ADAMTS17: variants seen among roughly 807,000 people sequenced by gnomAD.
ADAMTS17 encodes A disintegrin and metalloproteinase with thrombospondin motifs 17.
In ADAMTS17, 113 loss-of-function variants were observed where a neutral mutation model predicts 141.5. That is an observed-to-expected ratio of 0.80 (90% CI 0.69 to 0.93). ADAMTS17 has a LOEUF of 0.93. Among genes scored for constraint, ADAMTS17 ranks in the 40% least tolerant of loss-of-function variants. The pLI is 0.00. For synonymous variants in ADAMTS17, 768 were observed against 630.6 expected (o/e 1.22, Z -3.27); for missense variants, 1,659 against 1,517.9 (o/e 1.09, Z -1.54).
chr15:100,092,516 G>A (rs1310759336), intron 15 of ADAMTS17, among the ~76,000 whole-genome samples: 2 of 152,150 alleles, frequency 1.3e-5, no homozygotes, highest in Non-Finnish European at 2.9e-5. Flanking sequence ...AAAGAAATAC[G>A]TTGTAATTGG....
chr15:100,133,689 G>T (rs1031030444), intron 10 of ADAMTS17, among the ~76,000 whole-genome samples: 2 of 152,150 alleles, frequency 1.3e-5, no homozygotes, highest in African/African-American at 4.8e-5. Context: ...CTGTCTAGGG[G>T]ACACAGAAAG....
chr15:100,141,154 C>A (rs2038628829), intron 10 of ADAMTS17, among the ~76,000 whole-genome samples: 1 of 152,224 alleles, frequency 6.6e-6, no homozygotes, highest in African/African-American at 2.4e-5. Flanking sequence ...AAGAGTCATC[C>A]CCAGCATGTT....
intron 18 of ADAMTS17, among the ~76,000 whole-genome samples, chr15:100,006,175 T>C (rs2045209130): frequency 6.6e-6 from 1 of 152,170 alleles, no homozygotes; most frequent in Admixed American, 6.5e-5. Flanking sequence ...AATAAAAGAA[T>C]TTTGAAGAGG....
intron 18 of ADAMTS17, among the ~76,000 whole-genome samples, chr15:100,003,457 G>A (rs555548345): frequency 6.6e-6 from 1 of 152,196 alleles, no homozygotes; most frequent in Admixed American, 6.5e-5. Context: ...GGTTGGCCGC[G>A]AGTAAGCGAG....
chr15:100,096,729 C>A (rs898106548), intron 14 of ADAMTS17, among the ~76,000 whole-genome samples: 1 of 150,484 alleles, frequency 6.6e-6, no homozygotes, highest in Non-Finnish European at 1.5e-5. Flanking sequence ...GGAGGGAGAT[C>A]CATGAAGGCA....
intron 10 of ADAMTS17, among the ~76,000 whole-genome samples, chr15:100,149,713 G>A (rs1017675401): frequency 1.3e-5 from 2 of 152,196 alleles, no homozygotes. Flanking sequence ...CCTGAGTCAG[G>A]AGTAAGAACC....
chr15:100,204,325 T>C (rs1955839619), intron 7 of ADAMTS17, among the ~76,000 whole-genome samples: 1 of 152,172 alleles, frequency 6.6e-6, no homozygotes, highest in South Asian at 2.1e-4. Flanking sequence ...GATGGCTCAG[T>C]TTTTCCCACC....
rs750388807 is a variant in ADAMTS17, at chr15:100,331,053, A to G, written c.452T>C (p.Val151Ala). ...CTCCTGCCCAAGCTGAATGAGGCCAACCTGTCCAGAAAGGAGAAGGAAACG... is the reference window on the plus strand; with the variant it reads ...CTCCTGCCCAAGCTGAATGAGGCCAGCCTGTCCAGAAAGGAGAAGGAAACG... ...LSACGAAGGL[V>A]GLIQLGQEQV... The change falls in exon 3 of 22, where the codon GTT becomes GCT. Residue 151 changes from valine (V) to alanine (A), a missense_variant and splice_region_variant. Transcript: ENST00000268070. The G allele has an allele frequency of 1.2e-6, 2 of 1,614,148 alleles. No homozygotes were observed. The highest frequency in any genetic ancestry group is 1.1e-5 in the South Asian group (1 of 91,078).
chr15:100,113,971 G>T (rs115520959), intron 13 of ADAMTS17, among the ~76,000 whole-genome samples: 1 of 152,206 alleles, frequency 6.6e-6, no homozygotes, highest in Non-Finnish European at 1.5e-5. Context: ...CCACTTCAAT[G>T]AGATTCCATG....
chr15:100,116,142 A>C (rs1317211143), intron 13 of ADAMTS17, among the ~76,000 whole-genome samples: 4 of 150,206 alleles, frequency 2.7e-5, no homozygotes, highest in Admixed American at 6.6e-5. Context: ...TAAAAAAAAA[A>C]AAAAAAAAAA....
At chr15:100,312,388 C>G (rs1430681088) in intron 3 of ADAMTS17, among the ~76,000 whole-genome samples, 1 of 152,162 alleles carries the variant, frequency 6.6e-6, no homozygotes, top group Non-Finnish European at 1.5e-5. Context: ...AATGAGGAAA[C>G]AGATTCTCCC....
At position 100,053,937 on chromosome 15, in the gene ADAMTS17, A is replaced by T. The variant is rs752103311; in HGVS notation, c.2255T>A (p.Ile752Asn). 6.2e-7 allele frequency: 1 copy of T among 1,614,050 alleles called. No homozygotes were observed. Among genetic ancestry groups the T allele is most frequent in the Non-Finnish European group, 8.5e-7 (1 of 1,180,028 alleles). The change falls in exon 16 of 22, where the codon ATC (isoleucine) becomes AAC (asparagine). Residue 752 changes from isoleucine to asparagine, a missense_variant. Ile to Asn is a moderately radical substitution (Grantham distance 149). Coordinates refer to ENST00000268070, the MANE Select transcript of ADAMTS17 (RefSeq NM_139057.4). ...RYVRRGLWEK[I>N]SAKGPTKLPL... Reference sequence around the variant, plus strand: ...TAGTTTGGTTGGTCCCTTGGCAGAGATCTTCTCCCACAGCCCCCTTCTCAC... The same window carrying T: ...TAGTTTGGTTGGTCCCTTGGCAGAGTTCTTCTCCCACAGCCCCCTTCTCAC...
chr15:100,299,441 CAA>C (rs1039399221), intron 3 of ADAMTS17, among the ~76,000 whole-genome samples: 1 of 150,658 alleles, frequency 6.6e-6, no homozygotes, highest in Non-Finnish European at 1.5e-5. Flanking sequence ...CACTTTTCAG[CAA>C]AGTCTACTGC....
At chr15:100,334,607 G>A (rs1383873156) in intron 2 of ADAMTS17, among the ~76,000 whole-genome samples, 1 of 152,154 alleles carries the variant, frequency 6.6e-6, no homozygotes, top group Non-Finnish European at 1.5e-5. Context: ...ACTCTCGGGT[G>A]GGCACGCACC....
chr15:100,141,979 A>C (rs1022759066), intron 10 of ADAMTS17, among the ~76,000 whole-genome samples: 1 of 152,232 alleles, frequency 6.6e-6, no homozygotes, highest in Non-Finnish European at 1.5e-5. Context: ...CATTCTGGCC[A>C]GGTCCACCAG....
intron 3 of ADAMTS17, among the ~76,000 whole-genome samples, chr15:100,285,766 T>G (rs538555064): frequency 6.6e-6 from 1 of 152,256 alleles, no homozygotes; most frequent in East Asian, 1.9e-4. Context: ...CCAGCCTGTG[T>G]GGAGCCCAGA....
At chr15:100,296,553 G>A (rs1359713600) in intron 3 of ADAMTS17, among the ~76,000 whole-genome samples, 1 of 150,890 alleles carries the variant, frequency 6.6e-6, no homozygotes, top group Non-Finnish European at 1.5e-5. Context: ...GAAAATAAGG[G>A]TTTTTTGTTT....
intron 12 of ADAMTS17, 119 bp downstream of exon 12, chr15:100,131,887 AT>A: frequency 6.6e-7 from 1 of 1,509,968 alleles, no homozygotes; most frequent in Non-Finnish European, 9.0e-7. Context: ...GCTGGGTTTC[AT>A]TTTCCATATC....
intron 8 of ADAMTS17, among the ~76,000 whole-genome samples, chr15:100,188,888 C>A (rs766262653): frequency 6.6e-6 from 1 of 152,188 alleles, no homozygotes; most frequent in Non-Finnish European, 1.5e-5. Context: ...AAAGCTATCC[C>A]GAAAACACCC....
Sources: gnomAD v4.1 joint callset for allele counts (sites outside exome capture counted in the v4.1 genomes callset) on GRCh38, gnomAD v4.1.1 for gene constraint, MANE v1.5 for transcripts, NCBI Gene and HGNC (gene_info 2026-07-23, HGNC 2026-07-21) for gene names.